FOXP2: variants seen among roughly 807,000 people sequenced by gnomAD.
FOXP2 encodes the protein forkhead box P2.
Under a neutral mutation model 115.8 loss-of-function variants are expected in FOXP2, and 12 were observed. The ratio of observed to expected loss-of-function variants is 0.10; its 90% CI spans 0.07 to 0.17. The LOEUF is 0.17. FOXP2 is among the 10% of genes least tolerant of loss of function. The pLI is 1.00. For missense variants in FOXP2, 629 were observed against 843.5 expected, an observed-to-expected ratio of 0.75 and a Z score of 3.15; for synonymous variants, 328 against 297.7, an observed-to-expected ratio of 1.10 and a Z score of -1.05.
At position 114,421,314 on chromosome 7, in the gene FOXP2, A is replaced by T. The variant is rs185389621; in HGVS notation, c.-10-5188A>T. Among the ~76,000 whole-genome samples, 552 of 151,758 alleles carry T rather than the reference A, an allele frequency of 3.6e-3. 5 individuals carry two copies. Among genetic ancestry groups the T allele is most frequent in the African/African-American group, 0.013 (527 of 41,504 alleles). ...TAGTTGCTAAGTTAATTAATAGCTG[A>T]TTGAAATGGAAGATAAGTTTTTCAT... On this transcript the variant is annotated intron_variant, in intron 1 of 16. Coordinates refer to ENST00000350908, the MANE Select transcript of FOXP2 (RefSeq NM_014491.4).
rs996418871 is a variant in FOXP2 at position 114,213,207 on chromosome 7, G to T, written c.-102+50119G>T. 4.6e-5 allele frequency among the ~76,000 whole-genome samples: 7 copies of T among 152,076 alleles called. 1 individual carries two copies. The East Asian group carries it at 1.3e-3, about 29-fold the overall frequency. On this transcript the variant is annotated intron_variant, in intron 1 of 17. Transcript: ENST00000634411. ...CATCTTATTTACATAGGTATTTCTAGAAATTGCCTCATACTAGGAGTGTTA... is the reference window on the plus strand; with the variant it reads ...CATCTTATTTACATAGGTATTTCTATAAATTGCCTCATACTAGGAGTGTTA...
intron 2 of FOXP2, among the ~76,000 whole-genome samples, chr7:114,489,488 C>T (rs909060736): frequency 2.0e-5 from 3 of 151,918 alleles, no homozygotes; most frequent in East Asian, 3.9e-4. Flanking sequence ...TGTCTCTAGT[C>T]CTTTTCTCTT....
chr7:114,649,649 A>G (rs551942587), intron 8 of FOXP2, among the ~76,000 whole-genome samples: 1 of 152,098 alleles, frequency 6.6e-6, no homozygotes, highest in Non-Finnish European at 1.5e-5. Context: ...CATTGTATTT[A>G]TATCTGACAC....
chr7:114,145,355 A>G (rs1397423168), intron 1 of FOXP2, among the ~76,000 whole-genome samples: 1 of 152,164 alleles, frequency 6.6e-6, no homozygotes, highest in Non-Finnish European at 1.5e-5. Context: ...ATTTTAACAA[A>G]TAGTAAACAT....
chr7:114,485,494 A>G (rs1169043513), intron 2 of FOXP2, among the ~76,000 whole-genome samples: 1 of 150,170 alleles, frequency 6.7e-6, no homozygotes, highest in Non-Finnish European at 1.5e-5. Context: ...TTAAGCAAAC[A>G]TATAATCTGA....
At position 114,232,540 on chromosome 7, in the gene FOXP2, A is replaced by ACTTT. The variant is rs1794907493; in HGVS notation, c.-101-55479_-101-55478insCTTT. Among the ~76,000 whole-genome samples, 4 of 152,178 alleles carry ACTTT rather than the reference A, an allele frequency of 2.6e-5. No homozygotes were observed. In the South Asian group the frequency reaches 8.3e-4, roughly 32 times the overall value. ...TAAAATATTGTTTAGCAGGCCCGGC[A>ACTTT]GGGTGGCTCATGCCTGTAATCCCAG... On this transcript the variant is annotated intron_variant, in intron 1 of 17. Coordinates refer to the FOXP2 transcript ENST00000634411.
chr7:114,459,768 AC>A (rs1795480208), intron 2 of FOXP2, among the ~76,000 whole-genome samples: 1 of 152,008 alleles, frequency 6.6e-6, no homozygotes, highest in African/African-American at 2.4e-5. Flanking sequence ...AACACGTGCC[AC>A]CACGCCCGGC....
intron 1 of FOXP2, among the ~76,000 whole-genome samples, chr7:114,157,771 C>T (rs945821262): frequency 1.3e-5 from 2 of 151,934 alleles, no homozygotes; most frequent in African/African-American, 4.8e-5. Flanking sequence ...TATATATTTG[C>T]AAAAGGTATG....
intron 2 of FOXP2, among the ~76,000 whole-genome samples, chr7:114,372,611 A>G (rs1792041192): frequency 6.6e-6 from 1 of 152,256 alleles, no homozygotes; most frequent in South Asian, 2.1e-4. Flanking sequence ...CTGAGAAGAT[A>G]AGTGCTCAAG....
intron 2 of FOXP2, among the ~76,000 whole-genome samples, chr7:114,334,533 A>G (rs1400296668): frequency 6.6e-6 from 1 of 151,952 alleles, no homozygotes; most frequent in Admixed American, 6.6e-5. Context: ...AAATTTAAAG[A>G]AATAAAGTAA....
intron 1 of FOXP2, among the ~76,000 whole-genome samples, chr7:114,215,883 G>T (rs1563008979): frequency 6.6e-6 from 1 of 152,088 alleles, no homozygotes; most frequent in Non-Finnish European, 1.5e-5. Flanking sequence ...GGCAGATAGA[G>T]TTCAAAATAA....
chr7:114,427,044 T>C (rs984080058), intron 2 of FOXP2, among the ~76,000 whole-genome samples: 1 of 151,684 alleles, frequency 6.6e-6, no homozygotes, highest in African/African-American at 2.4e-5. Flanking sequence ...TACTTGCTTA[T>C]ACAATGAATT....
At chr7:114,288,183 C>T (rs953144976) in intron 2 of FOXP2, 1 of 425,682 alleles carries the variant, frequency 2.3e-6, no homozygotes, top group South Asian at 1.7e-5. Context: ...TGATTTTACT[C>T]TTTAGTTTTT....
rs1793283654 is a variant in FOXP2, at chr7:114,415,238, G to A, written c.-133G>A. 1 of 453,880 alleles carries A rather than the reference G, an allele frequency of 2.2e-6. No individual in the cohort carries two copies. The highest frequency in any genetic ancestry group is 4.4e-6 in the Non-Finnish European group (1 of 226,698). 28.1% of individuals were successfully genotyped at this position (453,880 alleles called of 1,614,324 possible). On this transcript the variant is annotated 5_prime_UTR_variant, in exon 1 of 17. Transcript: ENST00000350908. ...GCTTTGACAGTGAGCTAGCTTCTGA[G>A]TTTTCCCTTCTTTTTATACTGTTTT...
At chr7:114,289,469 T>C (rs192434975) in intron 2 of FOXP2, among the ~76,000 whole-genome samples, 1 of 151,980 alleles carries the variant, frequency 6.6e-6, no homozygotes, top group East Asian at 1.9e-4. Context: ...TTGCCATAGA[T>C]AATGGTTATA....
chr7:114,334,572 G>A (rs907388104), intron 2 of FOXP2, among the ~76,000 whole-genome samples: 1 of 150,314 alleles, frequency 6.7e-6, no homozygotes, highest in East Asian at 2.0e-4. Flanking sequence ...TTTAGTTTGT[G>A]GTACATAGTT....
chr7:114,248,182 G>C (rs1584575821), intron 1 of FOXP2, among the ~76,000 whole-genome samples: 1 of 70,284 alleles, frequency 1.4e-5, no homozygotes, highest in South Asian at 2.6e-4. Flanking sequence ...CTTAAAAACA[G>C]AGAGAGAGAG....
rs1325829490 is a variant in FOXP2 at position 114,692,553 on chromosome 7, T to C, written c.*2627T>C. 1 of 453,758 alleles carries C rather than the reference T, an allele frequency of 2.2e-6. No homozygotes were observed. Among genetic ancestry groups the C allele is most frequent in the African/African-American group, 2.0e-5 (1 of 49,986 alleles). 28.1% of individuals were successfully genotyped at this position (453,758 alleles called of 1,614,324 possible). On this transcript the variant is annotated 3_prime_UTR_variant, in exon 17 of 17. Transcript: ENST00000350908. ...ATGTTGCTTTAATGCATTTCATGAA[T>C]TTTTACTCTTATATCATTGCTTGCT... is the stretch of plus-strand genomic sequence containing the variant.
chr7:114,174,257 A>G (rs1459879481), intron 1 of FOXP2, among the ~76,000 whole-genome samples: 5 of 151,948 alleles, frequency 3.3e-5, no homozygotes, highest in African/African-American at 1.2e-4. Context: ...GTATTGTGTA[A>G]TATTTTATGT....
Sources: gnomAD v4.1 joint callset for allele counts (sites outside exome capture counted in the v4.1 genomes callset) on GRCh38, gnomAD v4.1.1 for gene constraint, MANE v1.5 for transcripts, NCBI Gene and HGNC (gene_info 2026-07-23, HGNC 2026-07-21) for gene names.